Variants in COPE observed in about 807,000 individuals in gnomAD.
The protein encoded by COPE is coat protein complex I subunit epsilon.
A neutral mutation model predicts 42.1 loss-of-function variants in COPE; 19 were observed. The ratio of observed to expected loss-of-function variants is 0.45; its 90% confidence interval spans 0.31 to 0.66. COPE has a LOEUF of 0.66. COPE is among the 30% of genes least tolerant of loss of function. The probability of loss-of-function intolerance (pLI) is 0.05; values close to 1 mark genes in which losing one functional copy is unlikely to be tolerated. For synonymous variants in COPE, 195 were observed against 181.3 expected (o/e 1.08, Z -0.60); for missense variants, 402 against 416.1 (o/e 0.97, Z 0.30).
rs760143700 is a variant in COPE, at chr19:18,919,265, G to A, written c.84C>T (p.Ile28=). The A allele has an allele frequency of 1.2e-6, 2 of 1,613,918 alleles. No individual in the cohort carries two copies. Among genetic ancestry groups the A allele is most frequent in the East Asian group, 2.2e-5 (1 of 44,884 alleles). The change falls in exon 1 of 10, where the codon ATC becomes ATT. Residue 28 remains isoleucine, a synonymous_variant. Transcript: ENST00000262812. The part of the protein sequence containing the change: ...ELFDVKNAFY[I]GSYQQCINEA... The stretch of plus-strand genomic sequence containing the variant: ...CGTTTATGCACTGCTGGTAGCTGCC[G>A]ATGTAGAAGGCGTTCTTTACGTCGA...
At chr19:18,912,150 A>T (rs913025258) in intron 2 of COPE, among the ~76,000 whole-genome samples, 2 of 151,736 alleles carry the variant, frequency 1.3e-5, no homozygotes, top group Admixed American at 1.3e-4. Flanking sequence ...CCCAGCCCCC[A>T]TTCTTATTTT....
intron 1 of COPE, among the ~76,000 whole-genome samples, chr19:18,918,748 G>A (rs2056882296): frequency 6.6e-6 from 1 of 152,176 alleles, no homozygotes; most frequent in Non-Finnish European, 1.5e-5. Context: ...TTATCATTCT[G>A]AGTCCAGCGG....
intron 3 of COPE, among the ~76,000 whole-genome samples, chr19:18,909,155 A>G (rs1189083862): frequency 1.3e-5 from 2 of 152,224 alleles, no homozygotes; most frequent in African/African-American, 4.8e-5. Flanking sequence ...TGATGCTCAC[A>G]GCAGCTGCTG....
chr19:18,902,327 A>AAT (rs1024359932), intron 7 of COPE, among the ~76,000 whole-genome samples: 10 of 151,006 alleles, frequency 6.6e-5, no homozygotes, highest in African/African-American at 1.2e-4. Context: ...GTCTTTACAA[A>AAT]ATATATATAT....
At chr19:18,914,679 TG>T (rs974978389) in intron 1 of COPE, among the ~76,000 whole-genome samples, 1 of 151,266 alleles carries the variant, frequency 6.6e-6, no homozygotes, top group African/African-American at 2.4e-5. Context: ...CCCAGTGCTT[TG>T]GGAGGCCAAA....
rs117672387 is a variant in COPE at position 18,900,094 on chromosome 19, C to G, written c.805-147G>C. On this transcript the variant is annotated intron_variant, in intron 8 of 9. Transcript: ENST00000262812. ...TTGGGACTGGGCTGATCTCGGAGAA[C>G]CTTCAGGGTGGGGGTGGAGGGATGG... The G allele has an allele frequency of 6.5e-4, 444 of 679,624 alleles. 3 individuals are homozygous for G. In the East Asian group the frequency reaches 0.012, roughly 18 times the overall value. 42.1% of individuals were successfully genotyped at this position (679,624 alleles called of 1,614,324 possible). A position where few individuals can be genotyped will look rare whatever the true frequency, so the allele number is the denominator to read the frequency against.
chr19:18,904,369 G>A (rs529504704), intron 6 of COPE, among the ~76,000 whole-genome samples: 2 of 152,322 alleles, frequency 1.3e-5, no homozygotes, highest in African/African-American at 4.8e-5. Context: ...CCCAGGCCTG[G>A]GAGCTGAGGA....
chr19:18,912,738 C>T (rs1379829523), intron 2 of COPE, among the ~76,000 whole-genome samples: 1 of 113,184 alleles, frequency 8.8e-6, no homozygotes, highest in East Asian at 3.0e-4. Context: ...GACTCCGTCT[C>T]AAAAAAAAAA....
chr19:18,913,438 G>A (rs780718830), intron 1 of COPE, among the ~76,000 whole-genome samples: 26 of 152,236 alleles, frequency 1.7e-4, no homozygotes, highest in Admixed American at 1.0e-3. Flanking sequence ...GGTGACATCT[G>A]TGCCCAGCCC....
chr19:18,918,664 T>C (rs972147407), intron 1 of COPE, among the ~76,000 whole-genome samples: 1 of 152,138 alleles, frequency 6.6e-6, no homozygotes, highest in South Asian at 2.1e-4. Flanking sequence ...CCTGGGCGCA[T>C]GCGATCTGCC....
rs1555711705 is a variant in COPE at position 18,918,187 on chromosome 19, C to CAAAT, written c.126+1035_126+1036insATTT. 6.4e-4 allele frequency among the ~76,000 whole-genome samples: 32 copies of CAAAT among 50,222 alleles called. 1 individual carries two copies. The highest frequency in any genetic ancestry group is 2.1e-4 in the Non-Finnish European group (6 of 28,560). The allele number at this position is 50,222 out of a possible 152,430, so 32.9% of individuals were successfully genotyped here. Reference sequence around the variant, plus strand: ...CTGGCAACAGCGCGAGTCTCCATCTCAAAAAAAAAAAAAAAAGAAAAGAAA... The same window carrying CAAAT: ...CTGGCAACAGCGCGAGTCTCCATCTCAAATAAAAAAAAAAAAAAAAGAAAAGAAA... On this transcript the variant is annotated intron_variant, in intron 1 of 9. Coordinates refer to ENST00000262812, the MANE Select transcript of COPE (RefSeq NM_007263.4).
At position 18,899,665 on chromosome 19, in the gene COPE, G is replaced by A. The variant is rs2056676386; in HGVS notation, c.*14C>T. ...CTGTCCTGGCTTCATGGTCCTGACA[G>A]CTCTGGGCCAGCCTCAGGCGCTGGG... is the stretch of plus-strand genomic sequence containing the variant. On this transcript the variant is annotated 3_prime_UTR_variant, in exon 10 of 10. Transcript: ENST00000262812. The A allele has an allele frequency of 6.2e-7, 1 of 1,613,364 alleles. No homozygotes were observed.
chr19:18,907,641 G>C (rs1392973190), intron 3 of COPE, among the ~76,000 whole-genome samples: 1 of 152,220 alleles, frequency 6.6e-6, no homozygotes, highest in Non-Finnish European at 1.5e-5. Flanking sequence ...TTGAGCCCAG[G>C]CAAGGCTGAG....
At chr19:18,918,271 C>A (rs1568325011) in intron 1 of COPE, among the ~76,000 whole-genome samples, 1 of 151,128 alleles carries the variant, frequency 6.6e-6, no homozygotes, top group African/African-American at 2.4e-5. Flanking sequence ...CCCAGATAAG[C>A]ACAACGAAGA....
At position 18,900,025 on chromosome 19, in the gene COPE, T is replaced by G. The variant is rs563290737; in HGVS notation, c.805-78A>C. The G allele has an allele frequency of 1.4e-4, 186 of 1,316,840 alleles. 3 individuals are homozygous for G. In the South Asian group the frequency reaches 1.7e-3, roughly 12 times the overall value. The allele number at this position is 1,316,840 out of a possible 1,614,324, so 81.6% of individuals were successfully genotyped here. A position where few individuals can be genotyped will look rare whatever the true frequency, so the allele number is the denominator to read the frequency against. ...CTCTGACCTGCTGGACAGGGGTGGA[T>G]TGGGGTGAGAGCCACAGTACCCCAG... is the stretch of plus-strand genomic sequence containing the variant. On this transcript the variant is annotated intron_variant, in intron 8 of 9. Transcript: ENST00000262812.
intron 2 of COPE, among the ~76,000 whole-genome samples, chr19:18,912,186 G>A (rs1434425527): frequency 2.0e-5 from 3 of 152,044 alleles, no homozygotes; most frequent in South Asian, 2.1e-4. Flanking sequence ...TTGCTATGTT[G>A]TCCAGGCTGG....
intron 3 of COPE, among the ~76,000 whole-genome samples, chr19:18,909,592 C>G (rs571154089): frequency 1.3e-5 from 2 of 151,072 alleles, no homozygotes; most frequent in African/African-American, 4.9e-5. Context: ...GATCTTGGCT[C>G]ACTGCAACCT....
rs751959133 is a variant in COPE, at chr19:18,899,658, C to T, written c.*21G>A. 1.9e-6 allele frequency: 3 copies of T among 1,613,226 alleles called. No homozygotes were observed. The highest frequency in any genetic ancestry group is 1.1e-5 in the South Asian group (1 of 91,062). On this transcript the variant is annotated 3_prime_UTR_variant, in exon 10 of 10. Coordinates refer to ENST00000262812, the MANE Select transcript of COPE (RefSeq NM_007263.4). ...CTGGCCTCTGTCCTGGCTTCATGGT[C>T]CTGACAGCTCTGGGCCAGCCTCAGG...
At chr19:18,914,400 G>A (rs1601234119) in intron 1 of COPE, among the ~76,000 whole-genome samples, 1 of 152,086 alleles carries the variant, frequency 6.6e-6, no homozygotes, top group Middle Eastern at 3.4e-3. Context: ...AATTAGCCAG[G>A]TGTGGTGGCG....
Sources: gnomAD v4.1 joint callset for allele counts (sites outside exome capture counted in the v4.1 genomes callset) on GRCh38, gnomAD v4.1.1 for gene constraint, MANE v1.5 for transcripts, NCBI Gene and HGNC (gene_info 2026-07-23, HGNC 2026-07-21) for gene names.